Variants in SECTM1 observed in about 807,000 individuals in gnomAD.
SECTM1 encodes secreted and transmembrane 1.
In SECTM1, 10 loss-of-function variants were observed where a neutral mutation model predicts 18.1. That is an observed-to-expected ratio of 0.55 (90% CI 0.34 to 0.94). The LOEUF is 0.94. Ranked by LOEUF, SECTM1 falls within the 40% of genes least tolerant of loss-of-function variation. The probability of loss-of-function intolerance (pLI) is 0.02; values close to 1 mark genes in which losing one functional copy is unlikely to be tolerated. For missense variants in SECTM1, 297 were observed against 322.6 expected (o/e 0.92, Z 0.61); for synonymous variants, 137 against 139.2 (o/e 0.98, Z 0.11).
At position 82,324,053 on chromosome 17, in the gene SECTM1, C is replaced by T. The variant is rs372462091; in HGVS notation, c.403+529G>A. Among the ~76,000 whole-genome samples the T allele has an allele frequency of 3.9e-5, 6 of 152,006 alleles. No homozygotes were observed. The South Asian group carries it at 1.2e-3, about 32-fold the overall frequency. The stretch of plus-strand genomic sequence containing the variant: ...GTGGTCACTAAGGGTGCTGCGCGGG[C>T]GACCTTGAGCACCTCTGGGTGACCC... On this transcript the variant is annotated intron_variant, in intron 3 of 4. Transcript: ENST00000269389.
chr17:82,323,000 G>C lies in SECTM1; in HGVS notation c.415C>G (p.Gln139Glu). ...CAGAACCCAGTGTCGGGGGCGGACT[G>C]GGGTTCTGCACCTGAAGGAGGCAGT... ...VTLEVSGAEP[Q>E]SAPDTGFWPV... Residue 139 changes from glutamine to glutamate, a missense_variant, in exon 4 of 5, where the codon CAG (glutamine) becomes GAG (glutamate). Physicochemically the swap from Gln to Glu is conservative, Grantham distance 29 (BLOSUM62 2). Transcript: ENST00000269389. 1.2e-6 allele frequency: 2 copies of C among 1,612,430 alleles called. No individual in the cohort carries two copies. The highest frequency in any genetic ancestry group is 2.2e-5 in the South Asian group (2 of 90,840).
At chr17:82,322,429 G>T (rs1296641866) in intron 4 of SECTM1, 59 bp from the exon 5 acceptor site, 3 of 1,506,812 alleles carry the variant, frequency 2.0e-6, no homozygotes, top group Non-Finnish European at 2.8e-6. Context: ...CCACAGCTCT[G>T]CCCTGGGGCG....
rs938208612 is a variant in SECTM1, at chr17:82,330,008, C to T, written c.-52-2716G>A. 6.6e-6 allele frequency among the ~76,000 whole-genome samples: 1 copy of T among 152,154 alleles called. No homozygotes were observed. The highest frequency in any genetic ancestry group is 2.1e-4 in the South Asian group (1 of 4,832). On this transcript the variant is annotated intron_variant, in intron 1 of 4. Coordinates refer to ENST00000269389, the MANE Select transcript of SECTM1 (RefSeq NM_003004.3). This position sits in a 1 kb window ranked among gnomAD's most constrained non-coding sequence, Gnocchi z 6.1. The stretch of plus-strand genomic sequence containing the variant: ...CGTGACATCTTTGGGGACTGGTAGC[C>T]GACCACAGAACCCCCACCCCCAGTG...
chr17:82,323,073 C>G (rs765913029), intron 3 of SECTM1, 62 bp from the exon 4 acceptor site: 1 of 1,528,864 alleles, frequency 6.5e-7, no homozygotes, highest in Admixed American at 2.0e-5. Context: ...CTACCTCCTC[C>G]GTGTAGCTCC....
Position 82,327,186 on chromosome 17 carries a change from G to A in SECTM1, c.55C>T (p.Leu19Phe). ...CTCAAGGAGGCAGCCAAAAACAGGAGGGTCCCAAGGGCCTGGGAAACGTGG... is the reference window on the plus strand; with the variant it reads ...CTCAAGGAGGCAGCCAAAAACAGGAAGGTCCCAAGGGCCTGGGAAACGTGG... ...PGHVSQALGT[L>F]LFLAASLSAQ... Residue 19 changes from leucine to phenylalanine, a missense_variant, in exon 2 of 5, where the codon CTC becomes TTC. Coordinates refer to ENST00000269389, the MANE Select transcript of SECTM1 (RefSeq NM_003004.3). 1 of 1,612,796 alleles carries A rather than the reference G, an allele frequency of 6.2e-7. No individual in the cohort carries two copies. Among genetic ancestry groups the A allele is most frequent in the Non-Finnish European group, 8.5e-7 (1 of 1,179,414 alleles).
chr17:82,327,111 C>G (rs1288937661), intron 2 of SECTM1, 36 bp downstream of exon 2: 1 of 1,547,602 alleles, frequency 6.5e-7, no homozygotes, highest in Non-Finnish European at 8.8e-7. Context: ...CCGGGCCCCC[C>G]TTTCCCCAGC....
chr17:82,331,896 T>G (rs756576348), intron 1 of SECTM1, among the ~76,000 whole-genome samples: 1 of 151,934 alleles, frequency 6.6e-6, no homozygotes, highest in African/African-American at 2.4e-5. Flanking sequence ...TCCCAGCACT[T>G]TGGGAGGCTG....
chr17:82,327,900 C>T (rs940691037), intron 1 of SECTM1, among the ~76,000 whole-genome samples: 2 of 151,048 alleles, frequency 1.3e-5, no homozygotes, highest in African/African-American at 2.4e-5. Flanking sequence ...CCAAGCCCAG[C>T]GCTGACCACA....
Position 82,321,874 on chromosome 17 carries a change from C to T in SECTM1, c.*287G>A, listed in dbSNP as rs942220940. 7.4e-5 allele frequency: 31 copies of T among 420,342 alleles called. No individual in the cohort carries two copies. The East Asian group carries it at 1.4e-3, about 19-fold the overall frequency. The allele number at this position is 420,342 out of a possible 1,614,324, so 26.0% of individuals were successfully genotyped here. A position where few individuals can be genotyped will look rare whatever the true frequency, so the allele number is the denominator to read the frequency against. ...AGCCTGGGGTGGCAGAAAGGGAGTCCGGGTCTGTGGGTTTGATGAGGGCAG... is the reference window on the plus strand; with the variant it reads ...AGCCTGGGGTGGCAGAAAGGGAGTCTGGGTCTGTGGGTTTGATGAGGGCAG... On this transcript the variant is annotated 3_prime_UTR_variant, in exon 5 of 5. Transcript: ENST00000269389.
At position 82,321,107 on chromosome 17, in the gene SECTM1, C is replaced by T. The variant is rs1439348221; in HGVS notation, c.*1054G>A. 2 of 152,172 alleles carry T rather than the reference C, an allele frequency of 1.3e-5. No individual in the cohort carries two copies. The highest frequency in any genetic ancestry group is 2.9e-5 in the Non-Finnish European group (2 of 68,020). The allele number at this position is 152,172 out of a possible 1,614,324, so 9.4% of individuals were successfully genotyped here. ...TGGACCCTGGCTCCGGCCCGACCCT[C>T]AGGGCGGCCGGCTGTGCGAGGCCTC... is the stretch of plus-strand genomic sequence containing the variant. On this transcript the variant is annotated 3_prime_UTR_variant, in exon 5 of 5. Transcript: ENST00000269389.
chr17:82,330,222 G>C lies in SECTM1; in HGVS notation c.-52-2930C>G, dbSNP rs937784877. On this transcript the variant is annotated intron_variant, in intron 1 of 4. Transcript: ENST00000269389. This position sits in a 1 kb window ranked among gnomAD's most constrained non-coding sequence, Gnocchi z 6.1. ...GCTGGGGGCTCCCCCACTGCTCTCC[G>C]CACCACCCCGCCGACCGTGTCCGGG... is the stretch of plus-strand genomic sequence containing the variant. Among the ~76,000 whole-genome samples, 1 of 152,156 alleles carries C rather than the reference G, an allele frequency of 6.6e-6. No homozygotes were observed. Among genetic ancestry groups the C allele is most frequent in the African/African-American group, 2.4e-5 (1 of 41,446 alleles).
In SECTM1 at chr17:82,325,446, C is replaced by T. The variant is rs541142912; in HGVS notation, c.95-556G>A. ...GAGGCAAGCAGAGCAGACATGGGTT[C>T]CAGCCTGTCCTTGTGGGGCCCAGCC... On this transcript the variant is annotated intron_variant, in intron 2 of 4. Transcript: ENST00000269389. The surrounding 1 kb of genome is among the most constrained non-coding windows in gnomAD (Gnocchi z 7.6). 6.6e-6 allele frequency among the ~76,000 whole-genome samples: 1 copy of T among 152,340 alleles called. No homozygotes were observed. Among genetic ancestry groups the T allele is most frequent in the South Asian group, 2.1e-4 (1 of 4,832 alleles).
At chr17:82,331,421 G>T (rs1480337458) in intron 1 of SECTM1, among the ~76,000 whole-genome samples, 1 of 152,164 alleles carries the variant, frequency 6.6e-6, no homozygotes, top group South Asian at 2.1e-4. Context: ...AGAAGAAAAC[G>T]CACCCTGGCA....
In SECTM1 at chr17:82,329,770, C is replaced by A. The variant is rs1342654694; in HGVS notation, c.-52-2478G>T. 6.6e-6 allele frequency among the ~76,000 whole-genome samples: 1 copy of A among 152,146 alleles called. No homozygotes were observed. Among genetic ancestry groups the A allele is most frequent in the African/African-American group, 2.4e-5 (1 of 41,428 alleles). On this transcript the variant is annotated intron_variant, in intron 1 of 4. Transcript: ENST00000269389. The surrounding 1 kb of genome is among the most constrained non-coding windows in gnomAD (Gnocchi z 7.6). Reference sequence around the variant, plus strand: ...TCCAGCGTCCAGAGGCATCCGCATCCCTCGGCTCATGGCCCCTCTGCCATC... The same window carrying A: ...TCCAGCGTCCAGAGGCATCCGCATCACTCGGCTCATGGCCCCTCTGCCATC...
At position 82,326,396 on chromosome 17, in the gene SECTM1, T is replaced by C. The variant is rs2052145698; in HGVS notation, c.94+751A>G. ...GGGAGGATCACTTGAGCCCAGGAGT[T>C]TGAGACCAGCCTGAGCAACATGGCA... On this transcript the variant is annotated intron_variant, in intron 2 of 4. Transcript: ENST00000269389. The surrounding 1 kb of genome is among the most constrained non-coding windows in gnomAD (Gnocchi z 4.3). Among the ~76,000 whole-genome samples, 1 of 151,878 alleles carries C rather than the reference T, an allele frequency of 6.6e-6. No individual in the cohort carries two copies.
intron 1 of SECTM1, among the ~76,000 whole-genome samples, chr17:82,327,846 C>T (rs914260754): frequency 1.1e-4 from 17 of 152,218 alleles, no homozygotes; most frequent in African/African-American, 4.1e-4. Context: ...CAGTCACTCA[C>T]AGAGACCCTC....
chr17:82,331,906 G>A (rs1470747561), intron 1 of SECTM1, among the ~76,000 whole-genome samples: 2 of 152,224 alleles, frequency 1.3e-5, no homozygotes, highest in South Asian at 4.1e-4. Flanking sequence ...TTGGGAGGCT[G>A]AGGCAGGTGG....
Position 82,321,909 on chromosome 17 carries a change from C to A in SECTM1, c.*252G>T. 1 of 517,168 alleles carries A rather than the reference C, an allele frequency of 1.9e-6. No homozygotes were observed. The highest frequency in any genetic ancestry group is 3.7e-5 in the East Asian group (1 of 27,148). The allele number at this position is 517,168 out of a possible 1,614,324, so 32.0% of individuals were successfully genotyped here. A position where few individuals can be genotyped will look rare whatever the true frequency, so the allele number is the denominator to read the frequency against. On this transcript the variant is annotated 3_prime_UTR_variant, in exon 5 of 5. Coordinates refer to ENST00000269389, the MANE Select transcript of SECTM1 (RefSeq NM_003004.3). ...GGTTTGATGAGGGCAGAGGGAGGGG[C>A]ATGCGTCCTGGTAAGTCGGGTGCTG...
rs1045161426 is a variant in SECTM1, at chr17:82,328,944, T to G, written c.-52-1652A>C. ...GCAGATGACCTGCAGGGAACTCCCA[T>G]GAGGGAACTCTGTAAAGCGACCTTC... On this transcript the variant is annotated intron_variant, in intron 1 of 4. Transcript: ENST00000269389. This position sits in a 1 kb window ranked among gnomAD's most constrained non-coding sequence, Gnocchi z 5.8. Among the ~76,000 whole-genome samples, 2 of 152,206 alleles carry G rather than the reference T, an allele frequency of 1.3e-5. No homozygotes were observed. The highest frequency in any genetic ancestry group is 4.8e-5 in the African/African-American group (2 of 41,460).
Sources: allele counts gnomAD v4.1 joint callset (sites outside exome capture counted in the v4.1 genomes callset), GRCh38; gene constraint gnomAD v4.1.1; non-coding constraint Gnocchi (gnomAD v3.1); transcripts MANE v1.5; gene names NCBI Gene and HGNC (gene_info 2026-07-23, HGNC 2026-07-21).